ZFHX3: variants seen among roughly 807,000 people sequenced by gnomAD.
The protein encoded by ZFHX3 is zinc finger homeobox protein 3.
Under a neutral mutation model 279.1 loss-of-function variants are expected in ZFHX3, and 42 were observed. That is an observed-to-expected ratio of 0.15 (90% CI 0.12 to 0.19). The LOEUF is 0.19. ZFHX3 is among the 10% of genes least tolerant of loss of function. ZFHX3 has a pLI of 1.00. For synonymous variants in ZFHX3, 2,293 were observed against 1,957.8 expected (o/e 1.17, Z -4.52); for missense variants, 4,981 against 4,754.0 (o/e 1.05, Z -1.40).
At chr16:72,889,682 T>G (rs1181089179) in intron 4 of ZFHX3, 49 bp downstream of exon 4, 1 of 1,581,930 alleles carries the variant, frequency 6.3e-7, no homozygotes, top group Non-Finnish European at 8.6e-7. Context: ...CTCAAGGAGG[T>G]GAACACCCAG....
At chr16:73,493,500 G>A (rs1645969415) in intron 2 of ZFHX3, among the ~76,000 whole-genome samples, 2 of 152,174 alleles carry the variant, frequency 1.3e-5, no homozygotes, top group South Asian at 4.1e-4. Flanking sequence ...TAATCCAAAT[G>A]AGTGAGATGA....
At chr16:73,110,215 G>A (rs1232911515) in intron 7 of ZFHX3, among the ~76,000 whole-genome samples, 1 of 150,814 alleles carries the variant, frequency 6.6e-6, no homozygotes, top group Non-Finnish European at 1.5e-5. Flanking sequence ...AAAAAAAAAA[G>A]AAGAGTTTCA....
chr16:73,321,149 C>A (rs1276837400), intron 3 of ZFHX3, among the ~76,000 whole-genome samples: 1 of 152,250 alleles, frequency 6.6e-6, no homozygotes, highest in Non-Finnish European at 1.5e-5. Flanking sequence ...GCCTCCTCCA[C>A]TCTCATCCCC....
At chr16:73,645,558 C>T (rs536446064) in intron 2 of ZFHX3, among the ~76,000 whole-genome samples, 6 of 152,300 alleles carry the variant, frequency 3.9e-5, no homozygotes, top group South Asian at 2.1e-4. Flanking sequence ...TTATTCTAAG[C>T]ATTTAAATCT....
intron 3 of ZFHX3, among the ~76,000 whole-genome samples, chr16:72,930,947 T>G (rs575972774): frequency 6.6e-6 from 1 of 152,260 alleles, no homozygotes; most frequent in South Asian, 2.1e-4. Context: ...GTGAAATGAG[T>G]ATTGCTATGC....
intron 7 of ZFHX3, among the ~76,000 whole-genome samples, chr16:73,100,598 G>A (rs1567662758): frequency 7.5e-6 from 1 of 133,528 alleles, no homozygotes. Flanking sequence ...TTTTGAGACG[G>A]AGTCTTAGTC....
chr16:73,848,820 T>C (rs1000902444), intron 1 of ZFHX3, among the ~76,000 whole-genome samples: 6 of 152,236 alleles, frequency 3.9e-5, no homozygotes, highest in African/African-American at 1.4e-4. Context: ...TTCTTCCTTA[T>C]GTTGAAACAG....
At chr16:73,644,876 C>G (rs2052604629) in intron 2 of ZFHX3, among the ~76,000 whole-genome samples, 2 of 152,154 alleles carry the variant, frequency 1.3e-5, no homozygotes, top group Non-Finnish European at 2.9e-5. Context: ...ACTTCCCCCT[C>G]AAAGCCACAA....
chr16:73,260,824 A>G (rs1459871290), intron 4 of ZFHX3, among the ~76,000 whole-genome samples: 7 of 151,058 alleles, frequency 4.6e-5, no homozygotes, highest in Non-Finnish European at 7.4e-5. Flanking sequence ...CTGGGATTAC[A>G]GGCGCCCACC....
chr16:73,870,680 C>A (rs961751047), intron 1 of ZFHX3, among the ~76,000 whole-genome samples: 1 of 152,132 alleles, frequency 6.6e-6, no homozygotes, highest in Non-Finnish European at 1.5e-5. Context: ...AGTTCTATTC[C>A]CCAATTCAAA....
chr16:73,093,231 C>G (rs749883416), intron 8 of ZFHX3: 1 of 516,876 alleles, frequency 1.9e-6, no homozygotes, highest in Non-Finnish European at 3.9e-6. Context: ...TGATCCGGTC[C>G]TACCTGGCGT....
At chr16:73,113,013 A>G (rs1966396202) in intron 7 of ZFHX3, among the ~76,000 whole-genome samples, 1 of 152,012 alleles carries the variant, frequency 6.6e-6, no homozygotes, top group Admixed American at 6.6e-5. Flanking sequence ...AACTTTGAAA[A>G]TCCCTAACTT....
At chr16:73,716,613 ACACACAC>A (rs1284151493) in intron 1 of ZFHX3, among the ~76,000 whole-genome samples, 1 of 7,116 alleles carries the variant, frequency 1.4e-4, no homozygotes, top group Admixed American at 1.4e-3. Context: ...CTTACTCTGA[ACACACAC>A]ACACACACAC....
intron 2 of ZFHX3, among the ~76,000 whole-genome samples, chr16:73,672,192 A>G (rs1369659265): frequency 6.6e-6 from 1 of 152,174 alleles, no homozygotes. Flanking sequence ...CTTTACTCTG[A>G]CACCCCTAGG....
At chr16:73,664,518 TA>T (rs1308225615) in intron 2 of ZFHX3, among the ~76,000 whole-genome samples, 1 of 152,176 alleles carries the variant, frequency 6.6e-6, no homozygotes, top group Non-Finnish European at 1.5e-5. Context: ...GCAAGTGATT[TA>T]AAAAAATCAA....
At chr16:73,160,281 CAAT>C (rs746818061) in intron 5 of ZFHX3, among the ~76,000 whole-genome samples, 1 of 152,200 alleles carries the variant, frequency 6.6e-6, no homozygotes, top group Non-Finnish European at 1.5e-5. Flanking sequence ...AAAAGACCAA[CAAT>C]GAGCTCCAAA....
chr16:73,601,299 CAA>C (rs1217744713), intron 2 of ZFHX3, among the ~76,000 whole-genome samples: 17 of 60,468 alleles, frequency 2.8e-4, no homozygotes, highest in African/African-American at 6.4e-4. Flanking sequence ...ACTAAAAATA[CAA>C]AAAAAAAAAA....
In ZFHX3 at chr16:73,066,822, G is replaced by A. The variant is rs140836419; in HGVS notation, c.-532-7810C>T. 9.2e-5 allele frequency among the ~76,000 whole-genome samples: 14 copies of A among 152,262 alleles called. No homozygotes were observed. In the East Asian group the frequency reaches 2.7e-3, roughly 30 times the overall value. ...CTGGTGGTTCCCTTCTCTTTCCGCC[G>A]TTCTCGCCGGGCTGCCTAGTCTCTT... On this transcript the variant is annotated intron_variant, in intron 8 of 17. Coordinates refer to the ZFHX3 transcript ENST00000641206.
chr16:73,096,858 T>C (rs1481072844), intron 7 of ZFHX3, among the ~76,000 whole-genome samples: 2 of 152,164 alleles, frequency 1.3e-5, no homozygotes, highest in Non-Finnish European at 2.9e-5. Context: ...TCAGGTGTGC[T>C]GGGACAGAGG....
Sources: allele counts gnomAD v4.1 joint callset (sites outside exome capture counted in the v4.1 genomes callset), GRCh38; gene constraint gnomAD v4.1.1; transcripts MANE v1.5; gene names NCBI Gene and HGNC (gene_info 2026-07-23, HGNC 2026-07-21).